The following ALDH1L1 variants were observed in gnomAD, a reference collection of about 807,000 sequenced individuals.
The protein encoded by ALDH1L1 is aldehyde dehydrogenase 1 family member L1.
ALDH1L1 carries 68 observed loss-of-function variants against 101.1 expected under a neutral mutation model. That is an observed-to-expected ratio of 0.67 (90% CI 0.55 to 0.82). The LOEUF is 0.82. ALDH1L1 is among the 40% of genes least tolerant of loss of function. ALDH1L1 has a pLI of 0.00. For missense variants in ALDH1L1, 1,087 were observed against 1,172.7 expected (o/e 0.93, Z 1.07); for synonymous variants, 486 against 470.8 (o/e 1.03, Z -0.42).
At chr3:126,133,480 A>C (rs2080356442) in intron 12 of ALDH1L1, among the ~76,000 whole-genome samples, 1 of 152,166 alleles carries the variant, frequency 6.6e-6, no homozygotes. Context: ...AATCCTTTGA[A>C]TCCCCCACAT....
At chr3:126,183,794 ACTTGAGGGAATAATAC>A, upstream of ALDH1L1, among the ~76,000 whole-genome samples, 1 of 152,282 alleles carries the variant, frequency 6.6e-6, no homozygotes, top group Non-Finnish European at 1.5e-5. Context: ...AAGGAGCTAC[ACTTGAGGGAATAATAC>A]CCCAGGTGCT....
chr3:126,173,524 GA>G, intron 1 of ALDH1L1, among the ~76,000 whole-genome samples: 1 of 151,962 alleles, frequency 6.6e-6, no homozygotes, highest in East Asian at 1.9e-4. Context: ...AGAAAAGGCA[GA>G]AAAAAGTGTG....
At chr3:126,109,760 C>A (rs1946015570) in intron 20 of ALDH1L1, among the ~76,000 whole-genome samples, 184 bp downstream of exon 20, 1 of 152,188 alleles carries the variant, frequency 6.6e-6, no homozygotes, top group South Asian at 2.1e-4. Flanking sequence ...CTCGTCCCAT[C>A]CCCGGGTCTG....
chr3:126,114,831 T>A, intron 17 of ALDH1L1, 175 bp from the exon 18 acceptor site: 1 of 533,676 alleles, frequency 1.9e-6, no homozygotes, highest in South Asian at 1.9e-5. Context: ...GCCACCTGCC[T>A]TTCCTTTCTG....
At chr3:126,128,107 C>T (rs1188649814) in intron 14 of ALDH1L1, among the ~76,000 whole-genome samples, 6 of 152,056 alleles carry the variant, frequency 3.9e-5, no homozygotes, top group Admixed American at 6.5e-5. Context: ...ATACCAGGCC[C>T]GGATTGCATG....
intron 9 of ALDH1L1, among the ~76,000 whole-genome samples, chr3:126,146,355 C>T (rs1415644944): frequency 6.6e-6 from 1 of 152,158 alleles, no homozygotes. Flanking sequence ...GCTGACCTGG[C>T]AGATCCCGCC....
chr3:126,187,881 A>C (rs1290233327), intron 1 of ALDH1L1, among the ~76,000 whole-genome samples: 2 of 134,402 alleles, frequency 1.5e-5, no homozygotes, highest in African/African-American at 5.7e-5. Context: ...TCGGGTGACA[A>C]CGGCTCTGTC....
chr3:126,123,384 A>G (rs1218561126), intron 16 of ALDH1L1, among the ~76,000 whole-genome samples: 2 of 151,860 alleles, frequency 1.3e-5, no homozygotes, highest in Non-Finnish European at 2.9e-5. Context: ...CAGCCTCCAG[A>G]GTAGCTGGGG....
chr3:126,173,154 C>T (rs926269102), intron 1 of ALDH1L1, among the ~76,000 whole-genome samples: 4 of 152,006 alleles, frequency 2.6e-5, no homozygotes, highest in African/African-American at 9.7e-5. Flanking sequence ...ACTCAACATA[C>T]AAAAGAGTAT....
At chr3:126,189,013 C>G (rs531910689) in intron 1 of ALDH1L1, among the ~76,000 whole-genome samples, 1 of 152,104 alleles carries the variant, frequency 6.6e-6, no homozygotes, top group Non-Finnish European at 1.5e-5. Context: ...GCATCAGCAC[C>G]GACTCCTCCT....
intron 9 of ALDH1L1, among the ~76,000 whole-genome samples, chr3:126,142,027 T>C (rs1459023929): frequency 6.6e-6 from 1 of 152,102 alleles, no homozygotes; most frequent in African/African-American, 2.4e-5. Flanking sequence ...ATTATACCAA[T>C]CTTACAGAAA....
chr3:126,193,492 G>A (rs1453842926), intron 1 of ALDH1L1, among the ~76,000 whole-genome samples: 1 of 152,114 alleles, frequency 6.6e-6, no homozygotes, highest in African/African-American at 2.4e-5. Context: ...AAGTGAGAGT[G>A]TAACCAAAAC....
chr3:126,130,027 A>T (rs1164803896), intron 14 of ALDH1L1, 196 bp downstream of exon 14: 3 of 469,488 alleles, frequency 6.4e-6, no homozygotes, highest in Non-Finnish European at 1.1e-5. Flanking sequence ...ATCCAGTGTT[A>T]CTGGGAGATT....
chr3:126,134,307 A>G (rs2080376817), intron 12 of ALDH1L1, among the ~76,000 whole-genome samples: 1 of 152,154 alleles, frequency 6.6e-6, no homozygotes, highest in Non-Finnish European at 1.5e-5. Flanking sequence ...GGTGAGTAGA[A>G]TCTGTTATGA....
At chr3:126,142,852 C>T (rs921447282) in intron 9 of ALDH1L1, among the ~76,000 whole-genome samples, 1 of 152,132 alleles carries the variant, frequency 6.6e-6, no homozygotes, top group Non-Finnish European at 1.5e-5. Context: ...CGGGCAGGGT[C>T]GGGGGTTGGG....
upstream of ALDH1L1, among the ~76,000 whole-genome samples, chr3:126,186,332 C>T (rs2081518150): frequency 6.6e-6 from 1 of 152,216 alleles, no homozygotes; most frequent in African/African-American, 2.4e-5. Flanking sequence ...TCCCTGATGG[C>T]CCTGGGCCTG....
At chr3:126,140,338 G>C (rs1390367492) in intron 9 of ALDH1L1, among the ~76,000 whole-genome samples, 1 of 152,102 alleles carries the variant, frequency 6.6e-6, no homozygotes, top group Non-Finnish European at 1.5e-5. Context: ...CAGAAATTAA[G>C]ATATTTCTAT....
At chr3:126,195,951 G>A (rs576691868) in intron 1 of ALDH1L1, among the ~76,000 whole-genome samples, 39 of 152,234 alleles carry the variant, frequency 2.6e-4, no homozygotes, top group Admixed American at 9.2e-4. Flanking sequence ...ATCACACACC[G>A]GGGCCTGTCA....
Position 126,153,455 on chromosome 3 carries a change from C to A in ALDH1L1, c.847G>T (p.Asp283Tyr). The A allele has an allele frequency of 6.2e-7, 1 of 1,614,026 alleles. No individual in the cohort carries two copies. Among genetic ancestry groups the A allele is most frequent in the Non-Finnish European group, 8.5e-7 (1 of 1,180,040 alleles). The change falls in exon 7 of 23, where the codon GAT (aspartate) becomes TAT (tyrosine). Residue 283 changes from aspartate (D) to tyrosine (Y), a missense_variant. Physicochemically the swap from Asp to Tyr is radical, Grantham distance 160. Around this residue, in one of 2 missense-constraint regions of ALDH1L1, gnomAD observed 645 missense variants for 637.0 expected, o/e 1.01. Transcript: ENST00000393434. ...TKAGLILFGN[D>Y]DKMLLVKNIQ... ...AGCCGTGCCCTTACCATTTTGTCAT[C>A]ATTCCCAAAGAGGATGAGTCCTGCT...
Sources: allele counts gnomAD v4.1 joint callset (sites outside exome capture counted in the v4.1 genomes callset), GRCh38; gene constraint gnomAD v4.1.1; regional missense constraint gnomAD v4.1.1; transcripts MANE v1.5; gene names NCBI Gene and HGNC (gene_info 2026-07-23, HGNC 2026-07-21).